GRID2: variants seen among roughly 807,000 people sequenced by gnomAD.
GRID2 encodes the protein glutamate receptor ionotropic, delta-2.
Under a neutral mutation model 114.8 loss-of-function variants are expected in GRID2, and 33 were observed. The ratio of observed to expected loss-of-function variants is 0.29; its 90% CI spans 0.22 to 0.38. The LOEUF is 0.38. GRID2 is among the 10% of genes least tolerant of loss of function. The pLI, the probability that GRID2 is intolerant of heterozygous loss-of-function variation, is 1.00. For missense variants in GRID2, 1,184 were observed against 1,257.7 expected, an observed-to-expected ratio of 0.94 and a Z score of 0.89; for synonymous variants, 505 against 449.9, an observed-to-expected ratio of 1.12 and a Z score of -1.55.
At chr4:92,562,759 C>T (rs903698745) in intron 1 of GRID2, among the ~76,000 whole-genome samples, 1 of 152,032 alleles carries the variant, frequency 6.6e-6, no homozygotes, top group East Asian at 1.9e-4. Context: ...ATCTATGATG[C>T]CTGCCTCACA....
intron 2 of GRID2, among the ~76,000 whole-genome samples, chr4:93,050,718 A>T (rs1027980585): frequency 6.6e-6 from 1 of 152,048 alleles, no homozygotes; most frequent in African/African-American, 2.4e-5. Context: ...CTCATTTGAG[A>T]CTGGATAGTC....
At chr4:92,748,635 T>TTAC (rs763050607) in intron 2 of GRID2, among the ~76,000 whole-genome samples, 1 of 88,924 alleles carries the variant, frequency 1.1e-5, no homozygotes, top group African/African-American at 4.8e-5. Context: ...TTAAATTGTA[T>TTAC]TATTATTATT....
At chr4:92,473,816 TAA>T (rs1203172351) in intron 1 of GRID2, among the ~76,000 whole-genome samples, 3 of 151,990 alleles carry the variant, frequency 2.0e-5, no homozygotes, top group Non-Finnish European at 4.4e-5. Context: ...AAATTGTGTT[TAA>T]GTTTTTCAGC....
At chr4:93,503,946 T>A (rs141961358) in intron 12 of GRID2, among the ~76,000 whole-genome samples, 74 of 152,256 alleles carry the variant, frequency 4.9e-4, no homozygotes, top group Admixed American at 2.0e-3. Flanking sequence ...CCCCTGTTCC[T>A]GTGTTATAAA....
At chr4:92,549,392 C>G (rs952104354) in intron 1 of GRID2, among the ~76,000 whole-genome samples, 1 of 152,110 alleles carries the variant, frequency 6.6e-6, no homozygotes, top group Admixed American at 6.6e-5. Context: ...GTCTTCTTCT[C>G]TCTAGGAAGT....
At chr4:93,087,009 A>G (rs1011977146) in intron 3 of GRID2, among the ~76,000 whole-genome samples, 1 of 132,690 alleles carries the variant, frequency 7.5e-6, no homozygotes, top group African/African-American at 3.0e-5. Flanking sequence ...AGTTAGTACT[A>G]TGAAAGTGAT....
At chr4:92,483,705 C>A (rs1449956842) in intron 1 of GRID2, among the ~76,000 whole-genome samples, 1 of 152,014 alleles carries the variant, frequency 6.6e-6, no homozygotes, top group East Asian at 1.9e-4. Context: ...GTAAGTTTGC[C>A]AAACTAAAAT....
intron 1 of GRID2, among the ~76,000 whole-genome samples, chr4:92,524,730 G>A (rs985554466): frequency 6.6e-6 from 1 of 151,892 alleles, no homozygotes; most frequent in Non-Finnish European, 1.5e-5. Flanking sequence ...GTGACAACAG[G>A]GGCTCAGAGA....
chr4:93,080,449 C>G lies in GRID2; in HGVS notation c.245-4546C>G, dbSNP rs73837390. Among the ~76,000 whole-genome samples, 775 of 152,188 alleles carry G rather than the reference C, an allele frequency of 5.1e-3. 5 individuals are homozygous for G. Among genetic ancestry groups the G allele is most frequent in the African/African-American group, 0.018 (742 of 41,546 alleles). ...TTGAAAGAGCATTGAAGTTACAATCCGCCAGGCTACTGTTTCTCAGAAAGG... is the reference window on the plus strand; with the variant it reads ...TTGAAAGAGCATTGAAGTTACAATCGGCCAGGCTACTGTTTCTCAGAAAGG... On this transcript the variant is annotated intron_variant, in intron 2 of 15. Coordinates refer to ENST00000282020, the MANE Select transcript of GRID2 (RefSeq NM_001510.4).
intron 1 of GRID2, among the ~76,000 whole-genome samples, chr4:92,375,200 A>G (rs1310246475): frequency 6.6e-6 from 1 of 152,312 alleles, no homozygotes; most frequent in African/African-American, 2.4e-5. Flanking sequence ...TAATTTATAA[A>G]CTTAAATTTA....
At chr4:93,538,205 T>G (rs1180506571) in intron 13 of GRID2, among the ~76,000 whole-genome samples, 1 of 151,550 alleles carries the variant, frequency 6.6e-6, no homozygotes, top group East Asian at 1.9e-4. Flanking sequence ...TCTGGAAAAT[T>G]TTTTCATTCC....
At chr4:92,376,178 C>T (rs527905610) in intron 1 of GRID2, among the ~76,000 whole-genome samples, 22 of 152,038 alleles carry the variant, frequency 1.4e-4, no homozygotes, top group Admixed American at 1.3e-3. Flanking sequence ...GGTGTGTTGT[C>T]GGGCACCTGA....
intron 8 of GRID2, among the ~76,000 whole-genome samples, chr4:93,266,901 C>T (rs1004067068): frequency 6.6e-6 from 1 of 152,064 alleles, no homozygotes; most frequent in Non-Finnish European, 1.5e-5. Context: ...ATTCTTGGAC[C>T]GTGTACTCAT....
chr4:92,919,369 C>G (rs943862218), intron 2 of GRID2, among the ~76,000 whole-genome samples: 2 of 152,082 alleles, frequency 1.3e-5, no homozygotes, highest in African/African-American at 4.8e-5. Context: ...CTGCTCTGAT[C>G]TTAGTTATTT....
chr4:93,490,691 G>A lies in GRID2; in HGVS notation c.1911G>A (p.Trp637Ter), dbSNP rs1726908415. The A allele has an allele frequency of 6.2e-7, 1 of 1,610,278 alleles. No homozygotes were observed. The highest frequency in any genetic ancestry group is 1.3e-5 in the African/African-American group (1 of 74,716). ...TLATRMMMGA[W>*]WLFALIVISS... ...CTACCCGAATGATGATGGGGGCTTG[G>A]TGGCTATTTGCTTTGATTGTTATCT... Residue 637 changes from tryptophan to a stop codon, truncating the protein, a stop_gained, in exon 12 of 16, where the codon TGG becomes TGA. Transcript: ENST00000282020. LOFTEE classifies it high-confidence loss of function.
chr4:93,683,663 T>C (rs962067603), intron 14 of GRID2, among the ~76,000 whole-genome samples: 1 of 152,160 alleles, frequency 6.6e-6, no homozygotes, highest in African/African-American at 2.4e-5. Flanking sequence ...TTATGATTTA[T>C]AAATAATAGT....
chr4:93,008,067 T>C (rs557991997), intron 2 of GRID2, among the ~76,000 whole-genome samples: 1 of 150,118 alleles, frequency 6.7e-6, no homozygotes, highest in East Asian at 2.0e-4. Flanking sequence ...TTGATTTTCA[T>C]GTAGGTAATA....
At chr4:93,095,913 T>C (rs1207554339) in intron 3 of GRID2, among the ~76,000 whole-genome samples, 2 of 152,032 alleles carry the variant, frequency 1.3e-5, no homozygotes, top group African/African-American at 2.4e-5. Context: ...GATCCTAACA[T>C]TGTGTAAAGA....
chr4:93,091,365 C>T (rs1217054468), intron 3 of GRID2, among the ~76,000 whole-genome samples: 3 of 152,022 alleles, frequency 2.0e-5, no homozygotes, highest in African/African-American at 7.2e-5. Context: ...GCGATCAAGT[C>T]GTGAATAGAG....
Sources: gnomAD v4.1 joint callset for allele counts (sites outside exome capture counted in the v4.1 genomes callset) on GRCh38, gnomAD v4.1.1 for gene constraint, MANE v1.5 for transcripts, NCBI Gene and HGNC (gene_info 2026-07-23, HGNC 2026-07-21) for gene names.